The following GUCY2C variants were observed in gnomAD, a reference collection of about 807,000 sequenced individuals.
GUCY2C encodes the protein guanylyl cyclase C.
In GUCY2C, 118 loss-of-function variants were observed where a neutral mutation model predicts 131.1. The observed-to-expected ratio is 0.90, with a 90% confidence interval of 0.78 to 1.05. The LOEUF is 1.05. Among genes scored for constraint, GUCY2C ranks in the 50% least tolerant of loss-of-function variants. The probability of loss-of-function intolerance (pLI) is 0.00; values close to 1 mark genes in which losing one functional copy is unlikely to be tolerated. For missense variants in GUCY2C, 1,161 were observed against 1,304.4 expected, an observed-to-expected ratio of 0.89 and a Z score of 1.69; for synonymous variants, 452 against 457.8, an observed-to-expected ratio of 0.99 and a Z score of 0.16.
intron 10 of GUCY2C, among the ~76,000 whole-genome samples, chr12:14,664,477 A>C (rs1947929696): frequency 6.6e-6 from 1 of 151,714 alleles, no homozygotes; most frequent in African/African-American, 2.4e-5. Context: ...TCACTGTATT[A>C]GATATAATTA....
intron 12 of GUCY2C, among the ~76,000 whole-genome samples, chr12:14,656,032 T>C (rs1452081952): frequency 6.6e-6 from 1 of 152,186 alleles, no homozygotes; most frequent in African/African-American, 2.4e-5. Context: ...ACAGCATAGG[T>C]CCTGCATTGA....
chr12:14,620,548 T>C (rs1469112250), intron 23 of GUCY2C, among the ~76,000 whole-genome samples: 1 of 152,220 alleles, frequency 6.6e-6, no homozygotes, highest in Non-Finnish European at 1.5e-5. Flanking sequence ...ACTTTCATGG[T>C]CTTTGAAAGT....
intron 19 of GUCY2C, among the ~76,000 whole-genome samples, 182 bp from the exon 20 acceptor site, chr12:14,628,919 T>G (rs529379518): frequency 1.3e-5 from 2 of 152,344 alleles, no homozygotes; most frequent in African/African-American, 4.8e-5. Flanking sequence ...ACCTGCATTA[T>G]CTTATCCAGT....
intron 8 of GUCY2C, among the ~76,000 whole-genome samples, chr12:14,673,418 A>G (rs2137075131): frequency 6.6e-6 from 1 of 152,302 alleles, no homozygotes; most frequent in East Asian, 1.9e-4. Flanking sequence ...TTTGTCATCT[A>G]TTAAATAGCA....
intron 3 of GUCY2C, among the ~76,000 whole-genome samples, chr12:14,683,717 G>A (rs1228198492): frequency 2.0e-5 from 3 of 152,168 alleles, no homozygotes; most frequent in Non-Finnish European, 4.4e-5. Context: ...TGTATTTAAC[G>A]AAGGAAGGAA....
At chr12:14,672,306 G>A (rs1265461254) in intron 9 of GUCY2C, 2 of 152,160 alleles carry the variant, frequency 1.3e-5, no homozygotes, top group African/African-American at 4.8e-5. Context: ...GCACTGAAAA[G>A]ATGGAGAGGT....
intron 19 of GUCY2C, among the ~76,000 whole-genome samples, chr12:14,629,743 C>T (rs1947102234): frequency 1.3e-5 from 2 of 152,182 alleles, no homozygotes; most frequent in African/African-American, 2.4e-5. Flanking sequence ...TAACTTATAG[C>T]AAACAATAGT....
intron 19 of GUCY2C, among the ~76,000 whole-genome samples, chr12:14,631,817 CA>C (rs1299575108): frequency 4.6e-5 from 7 of 150,840 alleles, no homozygotes; most frequent in African/African-American, 1.7e-4. Context: ...CTGACTTCCA[CA>C]ATGGTTGAAC....
intron 19 of GUCY2C, among the ~76,000 whole-genome samples, chr12:14,637,099 A>G (rs1049281576): frequency 2.0e-5 from 3 of 151,904 alleles, no homozygotes; most frequent in African/African-American, 7.3e-5. Flanking sequence ...TCTCAAAAAA[A>G]AATTAACATA....
chr12:14,617,146 A>G (rs1052056033), intron 24 of GUCY2C, among the ~76,000 whole-genome samples: 10 of 152,168 alleles, frequency 6.6e-5, no homozygotes, highest in Admixed American at 2.0e-4. Flanking sequence ...GTCTTCTGCC[A>G]TGAGTGAAAG....
intron 10 of GUCY2C, among the ~76,000 whole-genome samples, chr12:14,665,282 A>T (rs1265701452): frequency 6.6e-6 from 1 of 151,920 alleles, no homozygotes; most frequent in Non-Finnish European, 1.5e-5. Context: ...GGATGAGTAG[A>T]TGTTTCCCAC....
chr12:14,681,384 G>C lies in GUCY2C; in HGVS notation c.705C>G (p.Ile235Met). 1 of 1,612,668 alleles carries C rather than the reference G, an allele frequency of 6.2e-7. No homozygotes were observed. Among genetic ancestry groups the C allele is most frequent in the Non-Finnish European group, 8.5e-7 (1 of 1,178,854 alleles). ...VLRQDKEFQDILMDHNRKSNV... is the reference protein window; with the variant it reads ...VLRQDKEFQDMLMDHNRKSNV... Reference sequence around the variant, plus strand: ...TGCTTTTCCTGTTGTGGTCCATTAAGATATCCTGAAACTCCTTATCTTGTC... The same window carrying C: ...TGCTTTTCCTGTTGTGGTCCATTAACATATCCTGAAACTCCTTATCTTGTC... Residue 235 changes from isoleucine to methionine, a missense_variant, in exon 5 of 27, where the codon ATC (isoleucine) becomes ATG (methionine). Coordinates refer to ENST00000261170, the MANE Select transcript of GUCY2C (RefSeq NM_004963.4).
chr12:14,639,338 T>G (rs908384576), intron 19 of GUCY2C, among the ~76,000 whole-genome samples: 3 of 149,712 alleles, frequency 2.0e-5, no homozygotes, highest in African/African-American at 7.4e-5. Flanking sequence ...ATGAGATGTG[T>G]GCTTTAGAAG....
intron 11 of GUCY2C, among the ~76,000 whole-genome samples, chr12:14,658,877 AT>A (rs1947811452): frequency 6.6e-6 from 1 of 151,144 alleles, no homozygotes; most frequent in Non-Finnish European, 1.5e-5. Context: ...ATAATACAAT[AT>A]AATAATAAAA....
chr12:14,670,883 G>C (rs1043751076), intron 9 of GUCY2C, among the ~76,000 whole-genome samples: 2 of 151,658 alleles, frequency 1.3e-5, no homozygotes, highest in African/African-American at 4.8e-5. Context: ...CCACATGACT[G>C]GGGAGGTCTC....
rs368877252 is a variant in GUCY2C at position 14,695,517 on chromosome 12, C to T, written c.217+715G>A. 5.0e-4 allele frequency among the ~76,000 whole-genome samples: 73 copies of T among 146,598 alleles called. 1 individual carries two copies. Among genetic ancestry groups the T allele is most frequent in the Middle Eastern group, 3.5e-3 (1 of 284 alleles). On this transcript the variant is annotated intron_variant, in intron 1 of 26. Coordinates refer to ENST00000261170, the MANE Select transcript of GUCY2C (RefSeq NM_004963.4). The stretch of plus-strand genomic sequence containing the variant: ...TCGGGGGGCTGAGGCAGGAGAATGG[C>T]GTGAACCTGGGAGGCAGAGCTTGCA...
In GUCY2C at chr12:14,617,273, A is replaced by C. The variant is rs529621156; in HGVS notation, c.2876-546T>G. 2.6e-5 allele frequency among the ~76,000 whole-genome samples: 4 copies of C among 152,286 alleles called. No homozygotes were observed. In the East Asian group the frequency reaches 7.7e-4, roughly 29 times the overall value. ...ATAACCCAGTCTCAGGTTTTTCTTT[A>C]TAGCAATGCAAGAATGCCCTCACAC... On this transcript the variant is annotated intron_variant, in intron 24 of 26. Coordinates refer to ENST00000261170, the MANE Select transcript of GUCY2C (RefSeq NM_004963.4).
intron 6 of GUCY2C, among the ~76,000 whole-genome samples, chr12:14,678,799 G>A (rs917731519): frequency 1.3e-5 from 2 of 152,156 alleles, no homozygotes; most frequent in African/African-American, 4.8e-5. Context: ...CATGGGCATG[G>A]CAGTGACACC....
intron 20 of GUCY2C, 22 bp downstream of exon 20, chr12:14,628,624 A>C (rs776303584): frequency 2.5e-6 from 3 of 1,219,554 alleles, no homozygotes; most frequent in South Asian, 2.4e-5. Flanking sequence ...TTAGTGAATA[A>C]AAGTAAACAT....
Sources: gnomAD v4.1 joint callset for allele counts (sites outside exome capture counted in the v4.1 genomes callset) on GRCh38, gnomAD v4.1.1 for gene constraint, MANE v1.5 for transcripts, NCBI Gene and HGNC (gene_info 2026-07-23, HGNC 2026-07-21) for gene names.